The following SYBU variants were observed in gnomAD, a reference collection of about 807,000 sequenced individuals.
SYBU encodes GOLSYN A protein.
SYBU carries 21 observed loss-of-function variants against 35.9 expected under a neutral mutation model. The ratio of observed to expected loss-of-function variants is 0.58; its 90% CI spans 0.41 to 0.84. SYBU has a LOEUF of 0.84. Ranked by LOEUF, SYBU falls within the 40% of genes least tolerant of loss-of-function variation. The pLI, the probability that SYBU is intolerant of heterozygous loss-of-function variation, is 0.00. For missense variants in SYBU, 768 were observed against 848.2 expected, an observed-to-expected ratio of 0.91 and a Z score of 1.17; for synonymous variants, 319 against 324.3, an observed-to-expected ratio of 0.98 and a Z score of 0.18.
chr8:109,683,263 G>T (rs1817444998), upstream of SYBU, among the ~76,000 whole-genome samples: 1 of 152,188 alleles, frequency 6.6e-6, no homozygotes, highest in Admixed American at 6.5e-5. Context: ...CCAGGAGTTG[G>T]GCTGTCTCAT....
At chr8:109,689,566 A>T (rs1277439064) in intron 1 of SYBU, among the ~76,000 whole-genome samples, 1 of 152,150 alleles carries the variant, frequency 6.6e-6, no homozygotes, top group African/African-American at 2.4e-5. Context: ...TACTGGACTC[A>T]AGCAACCCAT....
intron 1 of SYBU, among the ~76,000 whole-genome samples, chr8:109,686,545 A>G (rs945073679): frequency 6.6e-6 from 1 of 152,194 alleles, no homozygotes; most frequent in Non-Finnish European, 1.5e-5. Flanking sequence ...TGCAAAATTG[A>G]TGAAATTATG....
At chr8:109,625,191 G>A (rs777011875) in intron 2 of SYBU, among the ~76,000 whole-genome samples, 2 of 152,142 alleles carry the variant, frequency 1.3e-5, no homozygotes, top group African/African-American at 2.4e-5. Context: ...ATGACATGAT[G>A]TCTGGAGATT....
At position 109,629,560 on chromosome 8, in the gene SYBU, C is replaced by T. The variant is rs1185705633; in HGVS notation, c.230-10521G>A. On this transcript the variant is annotated intron_variant, in intron 2 of 6. Coordinates refer to ENST00000276646, the MANE Select transcript of SYBU (RefSeq NM_001099754.2). ...TTGTTAACCACTATGTTGCATGGCT[C>T]CTTTAAGAATGAAAGGATATTGTGA... is the stretch of plus-strand genomic sequence containing the variant. 2.0e-5 allele frequency among the ~76,000 whole-genome samples: 3 copies of T among 150,206 alleles called. No individual in the cohort carries two copies. The East Asian group carries it at 5.8e-4, about 29-fold the overall frequency.
intron 2 of SYBU, among the ~76,000 whole-genome samples, 176 bp from the exon 3 acceptor site, chr8:109,619,215 AT>A (rs1342419635): frequency 1.3e-5 from 2 of 150,336 alleles, no homozygotes; most frequent in African/African-American, 2.5e-5. Flanking sequence ...ATTTTTCCAT[AT>A]TTTAATGCAA....
intron 6 of SYBU, 55 bp from the exon 7 acceptor site, chr8:109,576,068 A>G: frequency 7.4e-7 from 1 of 1,351,358 alleles, no homozygotes; most frequent in South Asian, 1.5e-5. Context: ...AAAAAAAAAA[A>G]AACTTTCAAC....
In SYBU at chr8:109,577,993, G is replaced by A. The variant is rs779592122; in HGVS notation, c.759C>T (p.Cys253=). ...IMRRSGRYMS[C]GENHGVRPPN... ...GGGGTCTGACACCATGATTTTCACC[G>A]CAAGACATGTACCTTCCAGAACGCC... Residue 253 remains cysteine (C), a synonymous_variant, in exon 6 of 7, where the codon TGC becomes TGT. Transcript: ENST00000276646. 3.4e-5 allele frequency: 55 copies of A among 1,612,864 alleles called. No homozygotes were observed. The highest frequency in any genetic ancestry group is 1.0e-4 in the Admixed American group (6 of 59,806).
chr8:109,641,270 C>T (rs552028909), intron 2 of SYBU, among the ~76,000 whole-genome samples: 100 of 152,308 alleles, frequency 6.6e-4, no homozygotes, highest in East Asian at 2.5e-3. Context: ...ACCAAACATG[C>T]TCACAACTTT....
Position 109,678,153 on chromosome 8 carries a change from AAAAAAAG to A in SYBU, c.-129+2551_-129+2557del, listed in dbSNP as rs1348104203. 9.4e-5 allele frequency among the ~76,000 whole-genome samples: 14 copies of A among 149,660 alleles called. No individual in the cohort carries two copies. In the East Asian group the frequency reaches 9.7e-4, roughly 10 times the overall value. ...CCACCTCAAAAAAAAAAAAAAAAAA[AAAAAAAG>A]GAAAAGGAAAAGTAACATTTAAAGT... On this transcript the variant is annotated intron_variant, in intron 1 of 5. Transcript: ENST00000408889.
chr8:109,626,244 C>T (rs1007503731), intron 2 of SYBU, among the ~76,000 whole-genome samples: 1 of 152,170 alleles, frequency 6.6e-6, no homozygotes, highest in East Asian at 1.9e-4. Context: ...TCTGTCAAAT[C>T]TCTCCATACG....
At chr8:109,629,772 G>C (rs1374031264) in intron 2 of SYBU, among the ~76,000 whole-genome samples, 1 of 152,020 alleles carries the variant, frequency 6.6e-6, no homozygotes, top group Non-Finnish European at 1.5e-5. Flanking sequence ...CAGTGTAAAA[G>C]TGTTCCTATT....
chr8:109,687,464 T>C (rs1283846709), intron 1 of SYBU, among the ~76,000 whole-genome samples: 6 of 152,142 alleles, frequency 3.9e-5, no homozygotes, highest in Non-Finnish European at 7.4e-5. Flanking sequence ...ACCCTGAGCA[T>C]GGGATTCCAA....
At chr8:109,676,506 C>G (rs2130775488) in intron 1 of SYBU, among the ~76,000 whole-genome samples, 1 of 152,250 alleles carries the variant, frequency 6.6e-6, no homozygotes, top group East Asian at 1.9e-4. Context: ...CTGTCATTAT[C>G]AAATTAAGTT....
At chr8:109,576,332 C>A (rs1586713335) in intron 6 of SYBU, among the ~76,000 whole-genome samples, 2 of 152,192 alleles carry the variant, frequency 1.3e-5, no homozygotes, top group Non-Finnish European at 2.9e-5. Flanking sequence ...AAATAGCTAC[C>A]ACAATTTTTT....
upstream of SYBU, among the ~76,000 whole-genome samples, chr8:109,649,374 G>A (rs1206110793): frequency 6.6e-6 from 1 of 152,106 alleles, no homozygotes; most frequent in East Asian, 1.9e-4. Context: ...AAACTGAAAT[G>A]ACTAGAATTG....
intron 2 of SYBU, among the ~76,000 whole-genome samples, chr8:109,626,797 C>T (rs771403677): frequency 6.6e-6 from 1 of 152,164 alleles, no homozygotes; most frequent in Non-Finnish European, 1.5e-5. Context: ...GTAGTCCCAG[C>T]GGAGGTTGCA....
chr8:109,650,569 T>C (rs1331383164), intron 1 of SYBU, among the ~76,000 whole-genome samples: 1 of 152,222 alleles, frequency 6.6e-6, no homozygotes, highest in East Asian at 1.9e-4. Flanking sequence ...ATTGCTGCTT[T>C]ATTCCCACTT....
intron 1 of SYBU, among the ~76,000 whole-genome samples, chr8:109,658,870 C>T (rs1300438587): frequency 2.0e-5 from 3 of 152,028 alleles, no homozygotes; most frequent in African/African-American, 4.8e-5. Context: ...AGGAGAATCG[C>T]TTGAACCGGA....
upstream of SYBU, chr8:109,647,080 CATT>C (rs1815774213): frequency 6.6e-6 from 1 of 152,222 alleles, no homozygotes; most frequent in South Asian, 2.1e-4. Flanking sequence ...CGTGAAAACT[CATT>C]AATGATTTCC....
Sources: gnomAD v4.1 joint callset for allele counts (sites outside exome capture counted in the v4.1 genomes callset) on GRCh38, gnomAD v4.1.1 for gene constraint, MANE v1.5 for transcripts, NCBI Gene and HGNC (gene_info 2026-07-23, HGNC 2026-07-21) for gene names.